Variants in PARG observed in about 807,000 individuals in gnomAD.
PARG encodes poly(ADP-ribose) glycohydrolase.
A neutral mutation model predicts 113.0 loss-of-function variants in PARG; 35 were observed. That is an observed-to-expected ratio of 0.31 (90% confidence interval 0.24 to 0.41). PARG has a LOEUF of 0.41. PARG is among the 10% of genes least tolerant of loss of function. The pLI is 1.00. For synonymous variants in PARG, 330 were observed against 409.9 expected (o/e 0.81, Z 2.36); for missense variants, 797 against 1,169.4 (o/e 0.68, Z 4.64).
At chr10:49,901,228 G>A (rs549297429) in intron 7 of PARG, among the ~76,000 whole-genome samples, 6 of 150,574 alleles carry the variant, frequency 4.0e-5, no homozygotes, top group South Asian at 2.1e-4. Flanking sequence ...CTCCTGCCTC[G>A]GCCTCCCAAG....
intron 13 of PARG, among the ~76,000 whole-genome samples, chr10:49,851,566 AAAG>A (rs2132493755): frequency 6.6e-6 from 1 of 150,540 alleles, no homozygotes; most frequent in Admixed American, 6.6e-5. Flanking sequence ...GACATTTGGA[AAAG>A]ATGTAAAGAT....
intron 13 of PARG, among the ~76,000 whole-genome samples, chr10:49,854,484 G>C (rs1209911509): frequency 2.0e-5 from 3 of 152,080 alleles, no homozygotes; most frequent in Non-Finnish European, 2.9e-5. Flanking sequence ...GTCCACAAAG[G>C]GCTTTGAAAA....
rs2132761994 is a variant in PARG, at chr10:49,903,872, G to A, written c.1737+12045C>T. Among the ~76,000 whole-genome samples, 2 of 152,232 alleles carry A rather than the reference G, an allele frequency of 1.3e-5. 1 individual carries two copies. Among genetic ancestry groups the A allele is most frequent in the South Asian group, 4.2e-4 (2 of 4,814 alleles). On this transcript the variant is annotated intron_variant, in intron 7 of 17. Coordinates refer to ENST00000616448, the MANE Select transcript of PARG (RefSeq NM_003631.5). The stretch of plus-strand genomic sequence containing the variant: ...AATATCACCAATAGAGTTGAAAAGA[G>A]ATGAAATGCCATGGAGGTTTTAAGA...
chr10:49,937,649 C>CA (rs1315075126), intron 1 of PARG, among the ~76,000 whole-genome samples: 5 of 152,262 alleles, frequency 3.3e-5, no homozygotes, highest in African/African-American at 1.2e-4. Flanking sequence ...GATAAGTCTA[C>CA]AGAACCTAAA....
chr10:49,830,078 T>C (rs1458136284), intron 16 of PARG, among the ~76,000 whole-genome samples: 2 of 152,148 alleles, frequency 1.3e-5, no homozygotes, highest in South Asian at 2.1e-4. Context: ...AATTATATAA[T>C]GGAAATCTTA....
chr10:49,922,186 T>C (rs1837911581), intron 6 of PARG, 150 bp downstream of exon 6: 6 of 736,392 alleles, frequency 8.1e-6, no homozygotes, highest in Non-Finnish European at 1.1e-5. Flanking sequence ...CATTTCCTAG[T>C]AGAATGTCTC....
At chr10:49,854,693 C>G (rs1265764588) in intron 13 of PARG, among the ~76,000 whole-genome samples, 1 of 138,520 alleles carries the variant, frequency 7.2e-6, no homozygotes, top group Non-Finnish European at 1.6e-5. Context: ...AGCCCTTCAA[C>G]AAAGACTATT....
intron 16 of PARG, among the ~76,000 whole-genome samples, chr10:49,827,002 T>C (rs1844392418): frequency 6.6e-6 from 1 of 152,208 alleles, no homozygotes. Flanking sequence ...AGGCCAACTC[T>C]ACCCTGCTTT....
At chr10:49,925,807 G>A (rs1838126969) in intron 4 of PARG, among the ~76,000 whole-genome samples, 1 of 152,218 alleles carries the variant, frequency 6.6e-6, no homozygotes, top group Non-Finnish European at 1.5e-5. Flanking sequence ...CCTTTGTTAG[G>A]AATAATGCTC....
chr10:49,866,756 A>G (rs1419730737), intron 10 of PARG, among the ~76,000 whole-genome samples: 3 of 152,226 alleles, frequency 2.0e-5, no homozygotes, highest in African/African-American at 7.2e-5. Context: ...GGCAACTTTC[A>G]TCTCAGAATA....
At chr10:49,903,767 G>A (rs1848449605) in intron 7 of PARG, among the ~76,000 whole-genome samples, 2 of 151,164 alleles carry the variant, frequency 1.3e-5, no homozygotes, top group Non-Finnish European at 2.9e-5. Context: ...AGAGTCATTA[G>A]ACCATCAGGT....
intron 7 of PARG, among the ~76,000 whole-genome samples, chr10:49,911,391 GGAGT>G (rs1837173573): frequency 6.6e-6 from 1 of 152,134 alleles, no homozygotes; most frequent in African/African-American, 2.4e-5. Context: ...AAAAATGCCA[GGAGT>G]AAGTATATTG....
intron 7 of PARG, among the ~76,000 whole-genome samples, chr10:49,886,788 C>T (rs1847510677): frequency 6.6e-6 from 1 of 152,090 alleles, no homozygotes; most frequent in Non-Finnish European, 1.5e-5. Flanking sequence ...GAGCTAAATC[C>T]TAATCTTCTA....
intron 6 of PARG, among the ~76,000 whole-genome samples, chr10:49,917,696 A>G (rs776170260): frequency 9.3e-5 from 14 of 150,180 alleles, no homozygotes; most frequent in Non-Finnish European, 1.9e-4. Flanking sequence ...GCGTGCCTGC[A>G]GTCTCAGCTA....
chr10:49,928,130 G>A (rs1713794277), intron 4 of PARG, among the ~76,000 whole-genome samples: 1 of 152,042 alleles, frequency 6.6e-6, no homozygotes, highest in Non-Finnish European at 1.5e-5. Flanking sequence ...CATCAGCCAA[G>A]GTTGGTGGTA....
Position 49,934,541 on chromosome 10 carries a change from A to G in PARG, c.285-378T>C, listed in dbSNP as rs1322485884. Among the ~76,000 whole-genome samples the G allele has an allele frequency of 1.0e-3, 152 of 152,066 alleles. 1 individual carries two copies. In the South Asian group the frequency reaches 0.029, roughly 29 times the overall value. The stretch of plus-strand genomic sequence containing the variant: ...TTTTTGTGTCTGTGGCCACTGCTAC[A>G]CTGTAAGTATCTTAAAGACACAGAC... On this transcript the variant is annotated intron_variant, in intron 2 of 17. Transcript: ENST00000616448.
At chr10:49,862,989 T>C (rs1312554245) in intron 11 of PARG, among the ~76,000 whole-genome samples, 6 of 149,820 alleles carry the variant, frequency 4.0e-5, no homozygotes, top group Non-Finnish European at 8.9e-5. Flanking sequence ...TTGTCAACTA[T>C]TCTCCATGAC....
intron 7 of PARG, among the ~76,000 whole-genome samples, chr10:49,889,946 T>C (rs1228406250): frequency 6.6e-6 from 1 of 152,248 alleles, no homozygotes; most frequent in Non-Finnish European, 1.5e-5. Context: ...ATGGAATGCA[T>C]AATCTAAAAT....
intron 7 of PARG, among the ~76,000 whole-genome samples, chr10:49,903,123 G>A (rs1414236278): frequency 6.6e-6 from 1 of 151,470 alleles, no homozygotes; most frequent in Non-Finnish European, 1.5e-5. Flanking sequence ...CACCATGCCC[G>A]GCCAAAAAAA....
Sources: gnomAD v4.1 joint callset for allele counts (sites outside exome capture counted in the v4.1 genomes callset) on GRCh38, gnomAD v4.1.1 for gene constraint, MANE v1.5 for transcripts, NCBI Gene and HGNC (gene_info 2026-07-23, HGNC 2026-07-21) for gene names.